The following CD38 variants were observed in gnomAD, a reference collection of about 807,000 sequenced individuals.
CD38 encodes the protein ADP-ribosyl cyclase/cyclic ADP-ribose hydrolase 1.
In CD38, 31 loss-of-function variants were observed where a neutral mutation model predicts 36.3. That is an observed-to-expected ratio of 0.85 (90% CI 0.64 to 1.15). CD38 has a LOEUF of 1.15. Ranked by LOEUF, CD38 falls within the 50% of genes most tolerant of loss-of-function variation. CD38 has a pLI of 0.00. For synonymous variants in CD38, 131 were observed against 135.2 expected, an observed-to-expected ratio of 0.97 and a Z score of 0.22; for missense variants, 380 against 371.9, an observed-to-expected ratio of 1.02 and a Z score of -0.18.
chr4:15,806,822 C>T (rs533678121), intron 1 of CD38, among the ~76,000 whole-genome samples: 28 of 152,228 alleles, frequency 1.8e-4, no homozygotes, highest in Admixed American at 7.8e-4. Flanking sequence ...TCACCGTTTG[C>T]GGAGGTGAGC....
At chr4:15,787,553 A>C (rs192144719) in intron 1 of CD38, among the ~76,000 whole-genome samples, 1 of 152,316 alleles carries the variant, frequency 6.6e-6, no homozygotes, top group African/African-American at 2.4e-5. Context: ...CTTCAGGGTC[A>C]CTGGCCTCCT....
At position 15,791,162 on chromosome 4, in the gene CD38, C is replaced by A. The variant is rs1344252781; in HGVS notation, c.233+12515C>A. Reference sequence around the variant, plus strand: ...CCTCTGCCCGGCCAGCCGCCCCGTCCGGGAGGGAGGTGGGGGGGTCAGCCC... The same window carrying A: ...CCTCTGCCCGGCCAGCCGCCCCGTCAGGGAGGGAGGTGGGGGGGTCAGCCC... On this transcript the variant is annotated intron_variant, in intron 1 of 7. Transcript: ENST00000226279. Among the ~76,000 whole-genome samples, 4 of 109,954 alleles carry A rather than the reference C, an allele frequency of 3.6e-5. No homozygotes were observed. The South Asian group carries it at 8.7e-4, about 24-fold the overall frequency. The allele number at this position is 109,954 out of a possible 152,430, so 72.1% of individuals were successfully genotyped here.
At chr4:15,811,106 T>C (rs755323444) in intron 1 of CD38, among the ~76,000 whole-genome samples, 1 of 152,230 alleles carries the variant, frequency 6.6e-6, no homozygotes, top group Non-Finnish European at 1.5e-5. Flanking sequence ...ATTGGCCCAT[T>C]TGTTAATTGG....
chr4:15,796,779 C>A (rs1723112020), intron 1 of CD38, among the ~76,000 whole-genome samples: 1 of 151,994 alleles, frequency 6.6e-6, no homozygotes, highest in South Asian at 2.1e-4. Flanking sequence ...TAGTTTTTTT[C>A]ATTCTACAAT....
At chr4:15,821,141 T>C (rs908727918) in intron 2 of CD38, among the ~76,000 whole-genome samples, 28 of 151,932 alleles carry the variant, frequency 1.8e-4, no homozygotes. Flanking sequence ...TTGAAACTAA[T>C]AGGAAAAAAG....
intron 1 of CD38, among the ~76,000 whole-genome samples, chr4:15,782,526 G>A (rs1318174767): frequency 6.6e-6 from 1 of 152,050 alleles, no homozygotes; most frequent in African/African-American, 2.4e-5. Flanking sequence ...TATATCTTGA[G>A]GACCTAGAAT....
At chr4:15,806,326 A>G (rs1403834053) in intron 1 of CD38, among the ~76,000 whole-genome samples, 1 of 152,090 alleles carries the variant, frequency 6.6e-6, no homozygotes, top group African/African-American at 2.4e-5. Flanking sequence ...GTTAGAACCA[A>G]TCCTATTCTG....
chr4:15,834,556 G>C (rs1231829729), intron 4 of CD38, among the ~76,000 whole-genome samples: 13 of 152,278 alleles, frequency 8.5e-5, no homozygotes, highest in African/African-American at 3.1e-4. Context: ...TGGCTACCAG[G>C]AACCTGGGGC....
chr4:15,790,712 A>G (rs1722955820), intron 1 of CD38, among the ~76,000 whole-genome samples: 2 of 129,900 alleles, frequency 1.5e-5, no homozygotes, highest in African/African-American at 6.1e-5. Context: ...CCCGGCCGCC[A>G]TCCCATCTAG....
chr4:15,838,371 C>G (rs556940475), intron 5 of CD38, among the ~76,000 whole-genome samples: 12 of 152,246 alleles, frequency 7.9e-5, no homozygotes, highest in African/African-American at 2.9e-4. Context: ...AAATTGTCTA[C>G]CAGGTTCTAA....
intron 1 of CD38, among the ~76,000 whole-genome samples, chr4:15,783,236 C>T (rs186220914): frequency 9.9e-5 from 15 of 152,188 alleles, no homozygotes; most frequent in African/African-American, 2.2e-4. Context: ...ATAGTCAGGA[C>T]GGACCCAGGT....
At chr4:15,803,385 A>G (rs542393033) in intron 1 of CD38, among the ~76,000 whole-genome samples, 53 of 152,358 alleles carry the variant, frequency 3.5e-4, no homozygotes, top group Middle Eastern at 3.4e-3. Flanking sequence ...GGTTTCTCTG[A>G]CAAGGAATTA....
intron 1 of CD38, 104 bp from the exon 2 acceptor site, chr4:15,816,407 C>A: frequency 1.1e-6 from 1 of 893,798 alleles, no homozygotes; most frequent in Non-Finnish European, 1.7e-6. Context: ...AACTACCTGG[C>A]ATATAATAGA....
At chr4:15,821,480 G>A (rs1398179958) in intron 2 of CD38, among the ~76,000 whole-genome samples, 1 of 151,798 alleles carries the variant, frequency 6.6e-6, no homozygotes. Context: ...GAATCAGATA[G>A]ATACAATAAA....
intron 1 of CD38, among the ~76,000 whole-genome samples, chr4:15,790,257 C>T (rs1722936902): frequency 1.3e-5 from 2 of 151,570 alleles, no homozygotes; most frequent in Admixed American, 1.3e-4. Flanking sequence ...GTACTGCTGC[C>T]ATCTCGGCTC....
intron 1 of CD38, among the ~76,000 whole-genome samples, chr4:15,806,718 T>C (rs1723349682): frequency 6.6e-6 from 1 of 152,170 alleles, no homozygotes; most frequent in African/African-American, 2.4e-5. Flanking sequence ...GTCTGGGATC[T>C]ATTGGCAGGA....
At chr4:15,832,605 T>TCTC (rs1723982391) in intron 3 of CD38, among the ~76,000 whole-genome samples, 1 of 152,022 alleles carries the variant, frequency 6.6e-6, no homozygotes. Flanking sequence ...TCTCCCAGAG[T>TCTC]CTCTCTCTTT....
intron 1 of CD38, among the ~76,000 whole-genome samples, chr4:15,782,636 A>G (rs1428257401): frequency 2.0e-5 from 3 of 152,220 alleles, no homozygotes; most frequent in Admixed American, 2.0e-4. Context: ...TGTAATAAAT[A>G]TACTTCCCCA....
At position 15,783,269 on chromosome 4, in the gene CD38, C is replaced by G. The variant is rs373716626; in HGVS notation, c.233+4622C>G. On this transcript the variant is annotated intron_variant, in intron 1 of 7. Transcript: ENST00000226279. ...GGTGATGTCAGGGGTGGGGTGGGGC[C>G]TGCAGGAGGGAATGGAGAGCCAGCA... Among the ~76,000 whole-genome samples, 4 of 152,200 alleles carry G rather than the reference C, an allele frequency of 2.6e-5. No homozygotes were observed. In the East Asian group the frequency reaches 5.8e-4, roughly 22 times the overall value.
Sources: gnomAD v4.1 joint callset for allele counts (sites outside exome capture counted in the v4.1 genomes callset) on GRCh38, gnomAD v4.1.1 for gene constraint, MANE v1.5 for transcripts, NCBI Gene and HGNC (gene_info 2026-07-23, HGNC 2026-07-21) for gene names.